The following MMRN1 variants were observed in gnomAD, a reference collection of about 807,000 sequenced individuals.
MMRN1 encodes the protein multimerin-1.
MMRN1 carries 94 observed loss-of-function variants against 100.7 expected under a neutral mutation model. The ratio of observed to expected loss-of-function variants is 0.93; its 90% CI spans 0.79 to 1.11. The LOEUF (loss-of-function observed/expected upper bound fraction) is 1.11, where lower values mean the gene tolerates loss of function less well. Ranked by LOEUF, MMRN1 falls within the 50% of genes least tolerant of loss-of-function variation. The pLI is 0.00. For synonymous variants in MMRN1, 575 were observed against 505.0 expected (o/e 1.14, Z -1.86); for missense variants, 1,606 against 1,439.1 (o/e 1.12, Z -1.88).
At chr4:89,879,839 A>G (rs1720782547) in intron 1 of MMRN1, among the ~76,000 whole-genome samples, 2 of 152,180 alleles carry the variant, frequency 1.3e-5, no homozygotes. Flanking sequence ...ACATGTGAAA[A>G]TAGCCTGAAG....
intron 5 of MMRN1, 70 bp downstream of exon 5, chr4:89,928,038 A>G: frequency 7.8e-7 from 1 of 1,287,786 alleles, no homozygotes; most frequent in Non-Finnish European, 1.1e-6. Context: ...TTCTTTTCTT[A>G]CATCACTTTG....
chr4:89,916,708 T>C (rs1721932134), intron 3 of MMRN1, among the ~76,000 whole-genome samples: 1 of 151,562 alleles, frequency 6.6e-6, no homozygotes, highest in Non-Finnish European at 1.5e-5. Context: ...GCTTTTCAAT[T>C]TACTCTCTCC....
At chr4:89,921,664 T>C (rs138239651) in intron 3 of MMRN1, among the ~76,000 whole-genome samples, 3 of 152,254 alleles carry the variant, frequency 2.0e-5, no homozygotes, top group South Asian at 4.1e-4. Context: ...AGTCAACAAT[T>C]ACACAGGACT....
At position 89,936,509 on chromosome 4, in the gene MMRN1, TA is replaced by T; in HGVS notation, c.2830del (p.Thr944ProfsTer6). On this transcript the variant is annotated frameshift_variant, in exon 6 of 8. Transcript: ENST00000264790. LOFTEE classifies it high-confidence loss of function. ...ASTSVSELNA[T>X]IPKWIKHSLP... ...CTACAAGTGTGTCAGAACTGAATGCTACCATCCCTAAGTGGATAAAACATTC... is the reference window on the plus strand; with the variant it reads ...CTACAAGTGTGTCAGAACTGAATGCTCCATCCCTAAGTGGATAAAACATTC... 5.0e-6 allele frequency: 8 copies of T among 1,613,326 alleles called. No individual in the cohort carries two copies. The highest frequency in any genetic ancestry group is 6.8e-6 in the Non-Finnish European group (8 of 1,179,712).
intron 6 of MMRN1, among the ~76,000 whole-genome samples, chr4:89,939,678 A>G (rs112494881): frequency 0.032 from 4,906 of 152,200 alleles, 192 homozygotes; most frequent in African/African-American, 0.089. Flanking sequence ...CACATGCTCA[A>G]AGAAATTATA....
chr4:89,949,803 T>G (rs1245575346), intron 6 of MMRN1, among the ~76,000 whole-genome samples: 1 of 152,242 alleles, frequency 6.6e-6, no homozygotes, highest in Non-Finnish European at 1.5e-5. Context: ...TGCCGTTTGT[T>G]CACATTTTAT....
At chr4:89,922,090 ATTTT>A (rs1722106785) in intron 3 of MMRN1, among the ~76,000 whole-genome samples, 1 of 151,884 alleles carries the variant, frequency 6.6e-6, no homozygotes, top group South Asian at 2.1e-4. Flanking sequence ...ATTTATTTTT[ATTTT>A]AATTATTGAT....
Position 89,936,400 on chromosome 4 carries a change from A to G in MMRN1, c.2720A>G (p.Glu907Gly). The G allele has an allele frequency of 6.2e-7, 1 of 1,609,418 alleles. No individual in the cohort carries two copies. The highest frequency in any genetic ancestry group is 1.1e-5 in the South Asian group (1 of 89,614). ...QVLNSRFKAL[E>G]AKSIHLSINF... ...TTAAATTCCAGATTTAAGGCGTTGG[A>G]AGCAAAATCTATCCATCTTTCAATT... Residue 907 changes from glutamate to glycine, a missense_variant, in exon 6 of 8, where the codon GAA becomes GGA. Coordinates refer to ENST00000264790, the MANE Select transcript of MMRN1 (RefSeq NM_007351.3).
chr4:89,922,333 C>T (rs998272675), intron 3 of MMRN1, among the ~76,000 whole-genome samples: 4 of 151,992 alleles, frequency 2.6e-5, no homozygotes, highest in African/African-American at 9.7e-5. Flanking sequence ...TCTTGAGCTC[C>T]GACCTCAAGT....
At chr4:89,952,974 C>T (rs751595725) in intron 7 of MMRN1, 23 bp from the exon 8 acceptor site, 12 of 1,542,298 alleles carry the variant, frequency 7.8e-6, no homozygotes, top group Non-Finnish European at 1.0e-5. Context: ...AAAATTAACT[C>T]TTGCCATTTT....
intron 6 of MMRN1, among the ~76,000 whole-genome samples, chr4:89,942,730 T>G (rs1243989733): frequency 1.3e-5 from 2 of 152,148 alleles, no homozygotes; most frequent in African/African-American, 4.8e-5. Context: ...TCAAGTGTCT[T>G]TACCCTAAAA....
chr4:89,931,261 A>G (rs1016489080), intron 5 of MMRN1, among the ~76,000 whole-genome samples: 1 of 152,172 alleles, frequency 6.6e-6, no homozygotes, highest in African/African-American at 2.4e-5. Flanking sequence ...AAAATTGTCA[A>G]TATCAAGATG....
chr4:89,895,911 A>G (rs1376346586), intron 1 of MMRN1, among the ~76,000 whole-genome samples: 1 of 152,212 alleles, frequency 6.6e-6, no homozygotes, highest in Non-Finnish European at 1.5e-5. Flanking sequence ...ATTCAAGGAT[A>G]TGTTGATTGT....
intron 6 of MMRN1, among the ~76,000 whole-genome samples, chr4:89,941,082 G>C (rs570167668): frequency 1.8e-4 from 28 of 152,204 alleles, no homozygotes; most frequent in Middle Eastern, 6.8e-3. Flanking sequence ...CTATTTATAT[G>C]ATTTTCCATA....
chr4:89,943,468 A>T (rs1023044127), intron 6 of MMRN1, among the ~76,000 whole-genome samples: 7 of 152,312 alleles, frequency 4.6e-5, no homozygotes, highest in Middle Eastern at 3.4e-3. Flanking sequence ...GATAATTTCT[A>T]TTATTCATGG....
At chr4:89,939,433 T>C (rs531158280) in intron 6 of MMRN1, among the ~76,000 whole-genome samples, 4 of 152,300 alleles carry the variant, frequency 2.6e-5, no homozygotes, top group African/African-American at 9.6e-5. Flanking sequence ...AATACCGTAA[T>C]AATACGACAT....
upstream of MMRN1, among the ~76,000 whole-genome samples, chr4:89,893,150 T>C (rs968237925): frequency 6.6e-6 from 1 of 152,032 alleles, no homozygotes; most frequent in African/African-American, 2.4e-5. Flanking sequence ...TTGCTCTTTT[T>C]AGTAACTAAT....
chr4:89,930,020 A>G (rs1177879767), intron 5 of MMRN1, among the ~76,000 whole-genome samples: 5 of 152,200 alleles, frequency 3.3e-5, no homozygotes, highest in Non-Finnish European at 7.4e-5. Flanking sequence ...ATGCTAAGGT[A>G]TCTGATATCA....
In MMRN1 at chr4:89,895,621, C is replaced by T. The variant is rs908876926; in HGVS notation, c.623+27C>T. The T allele has an allele frequency of 2.5e-6, 4 of 1,591,792 alleles. No homozygotes were observed. The Admixed American group carries it at 7.0e-5, about 28-fold the overall frequency. ...TAAGAAATCTTCTTTTCTTTTTGTT[C>T]TTTCTCTGTCTATCAGGTCTAGAAG... On this transcript the variant is annotated intron_variant, in intron 1 of 7. Coordinates refer to ENST00000264790, the MANE Select transcript of MMRN1 (RefSeq NM_007351.3).
Sources: gnomAD v4.1 joint callset for allele counts (sites outside exome capture counted in the v4.1 genomes callset) on GRCh38, gnomAD v4.1.1 for gene constraint, MANE v1.5 for transcripts, NCBI Gene and HGNC (gene_info 2026-07-23, HGNC 2026-07-21) for gene names.